FYN: variants seen among roughly 807,000 people sequenced by gnomAD.
FYN encodes the protein FYN proto-oncogene, Src family tyrosine kinase.
Under a neutral mutation model 70.2 loss-of-function variants are expected in FYN, and 10 were observed. The ratio of observed to expected loss-of-function variants is 0.14; its 90% CI spans 0.09 to 0.24. The LOEUF (loss-of-function observed/expected upper bound fraction) is 0.24, where lower values mean the gene tolerates loss of function less well. Ranked by LOEUF, FYN falls within the 10% of genes least tolerant of loss-of-function variation. The pLI, the probability that FYN is intolerant of heterozygous loss-of-function variation, is 1.00. For synonymous variants in FYN, 236 were observed against 248.6 expected, an observed-to-expected ratio of 0.95 and a Z score of 0.48; for missense variants, 319 against 673.1, an observed-to-expected ratio of 0.47 and a Z score of 5.82.
At chr6:111,693,870 A>C (rs1723441277) in intron 12 of FYN, among the ~76,000 whole-genome samples, 1 of 152,036 alleles carries the variant, frequency 6.6e-6, no homozygotes, top group Non-Finnish European at 1.5e-5. Flanking sequence ...TTTACTGAGG[A>C]GGCCCTCTCT....
At chr6:111,832,419 A>C (rs952444438) in intron 2 of FYN, among the ~76,000 whole-genome samples, 7 of 152,136 alleles carry the variant, frequency 4.6e-5, no homozygotes, top group African/African-American at 1.7e-4. Context: ...ACTTTTTAGT[A>C]CCTTCTAGTA....
At chr6:111,774,483 T>A (rs1013083344) in intron 3 of FYN, among the ~76,000 whole-genome samples, 17 of 152,024 alleles carry the variant, frequency 1.1e-4, no homozygotes, top group African/African-American at 3.4e-4. Flanking sequence ...CTGCAGGACA[T>A]TTACCATCCC....
chr6:111,674,668 G>A (rs1421411997), intron 12 of FYN, 38 bp from the exon 13 acceptor site: 14 of 1,604,114 alleles, frequency 8.7e-6, no homozygotes, highest in Non-Finnish European at 1.2e-5. Flanking sequence ...CAGGCAGAGG[G>A]CACTGCAATG....
intron 13 of FYN, among the ~76,000 whole-genome samples, chr6:111,662,367 G>A (rs931567639): frequency 1.3e-5 from 2 of 152,182 alleles, no homozygotes; most frequent in African/African-American, 4.8e-5. Flanking sequence ...AACTTTTCCT[G>A]TAAAAGGCCA....
intron 1 of FYN, among the ~76,000 whole-genome samples, chr6:111,871,592 T>C (rs9481198): frequency 0.39 from 59,165 of 152,166 alleles, 15,078 homozygotes; most frequent in African/African-American, 0.73. Flanking sequence ...AAGACTTCAG[T>C]ACAGTGCCCT....
intron 3 of FYN, among the ~76,000 whole-genome samples, chr6:111,737,849 A>C (rs905761346): frequency 7.9e-5 from 12 of 152,178 alleles, no homozygotes; most frequent in African/African-American, 2.9e-4. Flanking sequence ...TTGCCAGAAA[A>C]CAGTGACCAA....
At chr6:111,772,289 C>T (rs969004939) in intron 3 of FYN, among the ~76,000 whole-genome samples, 4 of 152,100 alleles carry the variant, frequency 2.6e-5, no homozygotes, top group Admixed American at 1.3e-4. Context: ...CCAGGTCATA[C>T]ACTACGAATA....
chr6:111,802,904 T>C (rs1336605012), intron 2 of FYN, among the ~76,000 whole-genome samples: 1 of 152,170 alleles, frequency 6.6e-6, no homozygotes, highest in African/African-American at 2.4e-5. Flanking sequence ...GTTTCTTAAA[T>C]AAACTGGGAA....
At chr6:111,842,047 C>G (rs924552957) in intron 2 of FYN, among the ~76,000 whole-genome samples, 1 of 152,046 alleles carries the variant, frequency 6.6e-6, no homozygotes, top group Non-Finnish European at 1.5e-5. Flanking sequence ...TCTCCCTGCC[C>G]GCAAGTCAAA....
chr6:111,768,472 G>A (rs1803317555), intron 3 of FYN, among the ~76,000 whole-genome samples: 1 of 152,188 alleles, frequency 6.6e-6, no homozygotes, highest in African/African-American at 2.4e-5. Flanking sequence ...GGTGTAATTT[G>A]TATACAGTAA....
At chr6:111,762,705 G>C (rs1803056836) in intron 3 of FYN, among the ~76,000 whole-genome samples, 1 of 152,104 alleles carries the variant, frequency 6.6e-6, no homozygotes, top group African/African-American at 2.4e-5. Context: ...TCTGCATGCA[G>C]GGGTGTCCAA....
At chr6:111,821,264 T>C (rs535007224) in intron 2 of FYN, among the ~76,000 whole-genome samples, 2 of 152,082 alleles carry the variant, frequency 1.3e-5, no homozygotes, top group South Asian at 2.1e-4. Flanking sequence ...CAAAACAGCA[T>C]GGTACTGGTA....
intron 2 of FYN, among the ~76,000 whole-genome samples, chr6:111,797,718 A>G (rs1771859952): frequency 1.4e-5 from 2 of 145,580 alleles, no homozygotes; most frequent in African/African-American, 5.0e-5. Context: ...ATATACACAC[A>G]CACACACACA....
chr6:111,815,447 A>C (rs1195086436), intron 2 of FYN, among the ~76,000 whole-genome samples: 11 of 152,232 alleles, frequency 7.2e-5, no homozygotes, highest in Admixed American at 3.9e-4. Context: ...AATTTATTAC[A>C]AATAAATAGC....
At chr6:111,832,547 CT>C (rs964642800) in intron 2 of FYN, among the ~76,000 whole-genome samples, 2 of 152,004 alleles carry the variant, frequency 1.3e-5, no homozygotes, top group South Asian at 2.1e-4. Context: ...TGGTATACTG[CT>C]TTTTTTTCTA....
chr6:111,712,410 A>G lies in FYN; in HGVS notation c.344+1937T>C, dbSNP rs552588015. 2.6e-5 allele frequency among the ~76,000 whole-genome samples: 4 copies of G among 152,292 alleles called. No homozygotes were observed. The East Asian group carries it at 5.8e-4, about 22-fold the overall frequency. On this transcript the variant is annotated intron_variant, in intron 5 of 13. Coordinates refer to ENST00000354650, the MANE Select transcript of FYN (RefSeq NM_002037.5). ...GTATACCCAGAGAGATCAAAGCCCAATCCCCTCCTCCCCAGCCCCAGTCAA... is the reference window on the plus strand; with the variant it reads ...GTATACCCAGAGAGATCAAAGCCCAGTCCCCTCCTCCCCAGCCCCAGTCAA...
chr6:111,852,568 T>C (rs1245876811), intron 1 of FYN, among the ~76,000 whole-genome samples: 1 of 152,172 alleles, frequency 6.6e-6, no homozygotes, highest in Non-Finnish European at 1.5e-5. Flanking sequence ...TTATATGTTA[T>C]GGAAATTATC....
At chr6:111,837,089 G>C (rs562292737) in intron 2 of FYN, among the ~76,000 whole-genome samples, 1 of 152,222 alleles carries the variant, frequency 6.6e-6, no homozygotes, top group Admixed American at 6.5e-5. Context: ...TTACCAGTGA[G>C]GCCTTCCCAC....
At chr6:111,866,541 C>T (rs563231318) in intron 1 of FYN, among the ~76,000 whole-genome samples, 4 of 152,288 alleles carry the variant, frequency 2.6e-5, no homozygotes, top group East Asian at 3.9e-4. Flanking sequence ...AAGGTTTCGC[C>T]GTGTTGGCCA....
Sources: gnomAD v4.1 joint callset for allele counts (sites outside exome capture counted in the v4.1 genomes callset) on GRCh38, gnomAD v4.1.1 for gene constraint, MANE v1.5 for transcripts, NCBI Gene and HGNC (gene_info 2026-07-23, HGNC 2026-07-21) for gene names.